STAG1: variants seen among roughly 807,000 people sequenced by gnomAD.
STAG1 encodes the protein STAG1 cohesin complex component, also known as cohesin subunit SA-1.
In STAG1, 26 loss-of-function variants were observed where a neutral mutation model predicts 170.9. The observed-to-expected ratio is 0.15, with a 90% CI of 0.11 to 0.21. STAG1 has a LOEUF of 0.21. Ranked by LOEUF, STAG1 falls within the 10% of genes least tolerant of loss-of-function variation. The pLI, the probability that STAG1 is intolerant of heterozygous loss-of-function variation, is 1.00. For synonymous variants in STAG1, 514 were observed against 497.7 expected (o/e 1.03, Z -0.44); for missense variants, 964 against 1,509.5 (o/e 0.64, Z 5.99).
intron 3 of STAG1, among the ~76,000 whole-genome samples, chr3:136,611,658 C>A (rs79617552): frequency 1.4e-5 from 1 of 72,602 alleles, no homozygotes; most frequent in East Asian, 3.1e-4. Context: ...CCACACCCAG[C>A]TTTTTTTTTT....
At chr3:136,361,301 T>C (rs1414194894) in intron 26 of STAG1, among the ~76,000 whole-genome samples, 1 of 152,218 alleles carries the variant, frequency 6.6e-6, no homozygotes, top group Non-Finnish European at 1.5e-5. Context: ...TAGCTCAGTT[T>C]ATTTAACCAT....
At chr3:136,372,208 G>C (rs1937379263) in intron 23 of STAG1, among the ~76,000 whole-genome samples, 1 of 152,192 alleles carries the variant, frequency 6.6e-6, no homozygotes, top group Non-Finnish European at 1.5e-5. Flanking sequence ...TGTATCCTGA[G>C]ACTTTGCTGA....
rs2107964252 is a variant in STAG1, at chr3:136,752,189, A to C, written c.-84+6T>G. The C allele has an allele frequency of 6.6e-6, 1 of 151,848 alleles. No individual in the cohort carries two copies. The highest frequency in any genetic ancestry group is 1.5e-5 in the Non-Finnish European group (1 of 67,968). The allele number at this position is 151,848 out of a possible 1,614,324, so 9.4% of individuals were successfully genotyped here. ...CCCCGCCGCCGTCGCCGCCGCCCGCACTCACCTCAGCTGCCCATCCGGGCG... is the reference window on the plus strand; with the variant it reads ...CCCCGCCGCCGTCGCCGCCGCCCGCCCTCACCTCAGCTGCCCATCCGGGCG... On this transcript the variant is annotated splice_donor_region_variant and intron_variant, in intron 1 of 33. Transcript: ENST00000383202.
chr3:136,702,124 A>AGAGAGG (rs2107909163), intron 1 of STAG1, among the ~76,000 whole-genome samples: 1 of 56,968 alleles, frequency 1.8e-5, no homozygotes, highest in African/African-American at 1.1e-4. Context: ...AGAGAGAGAC[A>AGAGAGG]GAGAGACAGA....
chr3:136,736,488 G>A (rs1934341481), intron 1 of STAG1: 2 of 1,337,572 alleles, frequency 1.5e-6, no homozygotes, highest in African/African-American at 1.4e-5. Context: ...TGTGACCCCG[G>A]GTGGTCATTC....
intron 12 of STAG1, among the ~76,000 whole-genome samples, chr3:136,471,985 G>C (rs1481049163): frequency 6.6e-6 from 1 of 152,092 alleles, no homozygotes; most frequent in Non-Finnish European, 1.5e-5. Context: ...CAACAGGCAT[G>C]TGCCACCATG....
At chr3:136,450,648 C>A (rs1439393853) in intron 14 of STAG1, among the ~76,000 whole-genome samples, 2 of 152,234 alleles carry the variant, frequency 1.3e-5, no homozygotes, top group Admixed American at 6.5e-5. Flanking sequence ...CACTGACATT[C>A]TAGCACAAAT....
chr3:136,484,873 G>A (rs1454108153), intron 9 of STAG1, among the ~76,000 whole-genome samples: 2 of 151,856 alleles, frequency 1.3e-5, no homozygotes, highest in Non-Finnish European at 1.5e-5. Context: ...TCTTTGACTC[G>A]GAAAGGGAAC....
Position 136,486,696 on chromosome 3 carries a change from C to T in STAG1, c.903-9284G>A, listed in dbSNP as rs1385835824. 1.2e-4 allele frequency among the ~76,000 whole-genome samples: 19 copies of T among 152,112 alleles called. 1 individual carries two copies. Among genetic ancestry groups the T allele is most frequent in the Admixed American group, 1.2e-3 (19 of 15,268 alleles). On this transcript the variant is annotated intron_variant, in intron 9 of 33. Transcript: ENST00000383202. ...GTGACTACTCAGTATGGTAACTGCA[C>T]ATATACACAGTGAAATCATTCTTCC...
At chr3:136,381,039 A>AG (rs1004474927) in intron 22 of STAG1, among the ~76,000 whole-genome samples, 6 of 147,884 alleles carry the variant, frequency 4.1e-5, no homozygotes, top group East Asian at 3.9e-4. Context: ...AAAAAAAAGA[A>AG]AAAAAAAAAA....
intron 28 of STAG1, among the ~76,000 whole-genome samples, chr3:136,350,535 A>G (rs114222600): frequency 1.3e-5 from 2 of 152,238 alleles, no homozygotes; most frequent in African/African-American, 4.8e-5. Context: ...CTGTCGAGAG[A>G]TTCCAAACCT....
chr3:136,519,424 CT>C (rs1256259556), intron 7 of STAG1, among the ~76,000 whole-genome samples: 1 of 152,102 alleles, frequency 6.6e-6, no homozygotes, highest in Admixed American at 6.6e-5. Context: ...GCTTCTCCTT[CT>C]CTCTTGGCCT....
At chr3:136,488,830 A>T (rs570438889) in intron 9 of STAG1, among the ~76,000 whole-genome samples, 1 of 152,340 alleles carries the variant, frequency 6.6e-6, no homozygotes, top group East Asian at 1.9e-4. Context: ...TTTGATATAA[A>T]CATATTTCCT....
chr3:136,463,767 G>GTATA (rs1553725809), intron 13 of STAG1, among the ~76,000 whole-genome samples: 75 of 58,756 alleles, frequency 1.3e-3, no homozygotes, highest in African/African-American at 3.0e-3. Flanking sequence ...GTGTGTGTGT[G>GTATA]TATACACACA....
At chr3:136,667,021 C>T (rs1941807779) in intron 1 of STAG1, among the ~76,000 whole-genome samples, 1 of 151,940 alleles carries the variant, frequency 6.6e-6, no homozygotes, top group South Asian at 2.1e-4. Context: ...CACTTCTGGA[C>T]TAAGTTATAT....
intron 5 of STAG1, among the ~76,000 whole-genome samples, chr3:136,548,905 G>GTA (rs1936270016): frequency 6.6e-6 from 1 of 152,104 alleles, no homozygotes; most frequent in Non-Finnish European, 1.5e-5. Flanking sequence ...GTTTCAAAGT[G>GTA]TATAGTACCT....
chr3:136,539,661 C>T (rs890361646), intron 6 of STAG1, among the ~76,000 whole-genome samples: 4 of 152,076 alleles, frequency 2.6e-5, no homozygotes, highest in Non-Finnish European at 5.9e-5. Flanking sequence ...CTATCAAGAG[C>T]GAAGTGTATG....
intron 6 of STAG1, among the ~76,000 whole-genome samples, chr3:136,529,024 A>G (rs1010975995): frequency 2.6e-5 from 4 of 152,292 alleles, no homozygotes; most frequent in Admixed American, 2.6e-4. Flanking sequence ...GAATAAAATA[A>G]AAAATACATT....
chr3:136,578,413 A>G (rs986122409), intron 4 of STAG1, among the ~76,000 whole-genome samples: 1 of 152,224 alleles, frequency 6.6e-6, no homozygotes, highest in Non-Finnish European at 1.5e-5. Flanking sequence ...TTTATGGAGA[A>G]GAAAAAACTT....
Sources: gnomAD v4.1 joint callset for allele counts (sites outside exome capture counted in the v4.1 genomes callset) on GRCh38, gnomAD v4.1.1 for gene constraint, MANE v1.5 for transcripts, NCBI Gene and HGNC (gene_info 2026-07-23, HGNC 2026-07-21) for gene names.